The following CATSPERE variants were observed in gnomAD, a reference collection of about 807,000 sequenced individuals.
CATSPERE encodes cation channel sperm-associated auxiliary subunit epsilon.
In CATSPERE, 93 loss-of-function variants were observed where a neutral mutation model predicts 114.1. That is an observed-to-expected ratio of 0.81 (90% CI 0.69 to 0.97). CATSPERE has a LOEUF of 0.97. Among genes scored for constraint, CATSPERE ranks in the 50% least tolerant of loss-of-function variants. The pLI is 0.00. For synonymous variants in CATSPERE, 341 were observed against 384.1 expected, an observed-to-expected ratio of 0.89 and a Z score of 1.31; for missense variants, 1,058 against 1,131.6, an observed-to-expected ratio of 0.93 and a Z score of 0.93.
intron 8 of CATSPERE, among the ~76,000 whole-genome samples, chr1:244,536,507 C>T (rs1291852482): frequency 2.6e-5 from 4 of 152,224 alleles, no homozygotes; most frequent in Admixed American, 2.6e-4. Context: ...CATCTGAGTT[C>T]TGCCTGGTGT....
chr1:244,640,162 T>G lies in CATSPERE; in HGVS notation c.*81T>G. On this transcript the variant is annotated 3_prime_UTR_variant, in exon 22 of 22. Transcript: ENST00000366534. ...CATAGTGATATTGAGAGTGTGTGTT[T>G]GACCAAGAAATACTAAATATAAGCT... 8.7e-7 allele frequency: 1 copy of G among 1,153,350 alleles called. No homozygotes were observed. Among genetic ancestry groups the G allele is most frequent in the South Asian group, 1.6e-5 (1 of 62,576 alleles). The allele number at this position is 1,153,350 out of a possible 1,614,324, so 71.4% of individuals were successfully genotyped here.
At chr1:244,494,459 G>T (rs1221935837) in intron 6 of CATSPERE, among the ~76,000 whole-genome samples, 64 of 111,424 alleles carry the variant, frequency 5.7e-4, no homozygotes, top group African/African-American at 2.2e-3. Context: ...TTGTGGGGTG[G>T]GGGGAGGGGG....
rs1392440898 is a variant in CATSPERE at position 244,588,526 on chromosome 1, A to G, written c.2130A>G (p.Ala710=). The G allele has an allele frequency of 1.2e-6, 2 of 1,608,180 alleles. No homozygotes were observed. The highest frequency in any genetic ancestry group is 1.3e-5 in the African/African-American group (1 of 74,796). The change falls in exon 14 of 22, where the codon GCA becomes GCG. Residue 710 remains alanine (A), a synonymous_variant. Coordinates refer to ENST00000366534, the MANE Select transcript of CATSPERE (RefSeq NM_001130957.2). ...AVGCDDKKFI[A]IKGFSKKGCH... is the part of the protein sequence containing the mutation. ...GCTGTGATGATAAAAAATTCATTGC[A>G]ATTAAAGGGTAAGTATATTTCCATT...
In CATSPERE at chr1:244,504,750, G is replaced by T. The variant is rs543242933; in HGVS notation, c.429+5671G>T. Among the ~76,000 whole-genome samples the T allele has an allele frequency of 2.6e-5, 4 of 152,310 alleles. No individual in the cohort carries two copies. In the South Asian group the frequency reaches 8.3e-4, roughly 32 times the overall value. On this transcript the variant is annotated intron_variant, in intron 7 of 21. Transcript: ENST00000366534. This position sits in a 1 kb window ranked among gnomAD's most constrained non-coding sequence, Gnocchi z 4.1. Reference sequence around the variant, plus strand: ...AAGTAAAGTGGCATTCCCATTACGCGCAATCAAGGGCGCATACAATCATAT... The same window carrying T: ...AAGTAAAGTGGCATTCCCATTACGCTCAATCAAGGGCGCATACAATCATAT...
At chr1:244,562,645 T>C (rs1454715229) in intron 10 of CATSPERE, among the ~76,000 whole-genome samples, 1 of 152,222 alleles carries the variant, frequency 6.6e-6, no homozygotes, top group African/African-American at 2.4e-5. Flanking sequence ...TCTTTTATAA[T>C]TAGATGTTTT....
rs1191955367 is a variant in CATSPERE, at chr1:244,560,683, A to C, written c.1045A>C (p.Ser349Arg). Residue 349 changes from serine to arginine, a missense_variant, in exon 10 of 22, where the codon AGC (serine) becomes CGC (arginine). Physicochemically the swap from Ser to Arg is moderately radical, Grantham distance 110. Around this residue, in one of 2 missense-constraint regions of CATSPERE, gnomAD observed 787 missense variants for 905.6 expected, o/e 0.87. Transcript: ENST00000366534. ...TTTGTCACAGGCTAAAGGAAGAAGAAGCACCTTTGCAGTCTGGACAGAAAA... is the reference window on the plus strand; with the variant it reads ...TTTGTCACAGGCTAAAGGAAGAAGACGCACCTTTGCAGTCTGGACAGAAAA... ...NYLLKAKGRR[S>R]TFAVWTENEI... 1.3e-6 allele frequency: 2 copies of C among 1,592,742 alleles called. No homozygotes were observed. Among genetic ancestry groups the C allele is most frequent in the African/African-American group, 2.7e-5 (2 of 74,020 alleles).
At position 244,540,666 on chromosome 1, in the gene CATSPERE, A is replaced by G. The variant is rs954135353; in HGVS notation, c.537-11656A>G. Reference sequence around the variant, plus strand: ...ATTGGAAAAAACTACTTTAAAGTTCATATGGAACCAAAAAAGAGCCTGCAT... The same window carrying G: ...ATTGGAAAAAACTACTTTAAAGTTCGTATGGAACCAAAAAAGAGCCTGCAT... On this transcript the variant is annotated intron_variant, in intron 8 of 21. Coordinates refer to ENST00000366534, the MANE Select transcript of CATSPERE (RefSeq NM_001130957.2). 7.8e-4 allele frequency among the ~76,000 whole-genome samples: 116 copies of G among 148,644 alleles called. 1 individual carries two copies. The highest frequency in any genetic ancestry group is 2.7e-3 in the African/African-American group (109 of 40,578).
At chr1:244,501,257 TAAAAATCTGTCTAATC>T (rs1314396807) in intron 7 of CATSPERE, among the ~76,000 whole-genome samples, 4 of 152,196 alleles carry the variant, frequency 2.6e-5, no homozygotes. Context: ...AAACCTTCTT[TAAAAATCTGTCTAATC>T]ACTTATTGAA....
intron 8 of CATSPERE, among the ~76,000 whole-genome samples, chr1:244,522,473 AT>A (rs1558422064): frequency 6.6e-6 from 1 of 152,234 alleles, no homozygotes; most frequent in Non-Finnish European, 1.5e-5. Context: ...ACGGCGAGAA[AT>A]AACTAAAATC....
At chr1:244,476,999 C>A (rs1669462167) in intron 2 of CATSPERE, among the ~76,000 whole-genome samples, 1 of 151,958 alleles carries the variant, frequency 6.6e-6, no homozygotes, top group South Asian at 2.1e-4. Context: ...TATTTCTTTT[C>A]TTTTCTTTTT....
chr1:244,593,651 T>C (rs1256298659), intron 17 of CATSPERE, 73 bp downstream of exon 17: 1 of 1,199,536 alleles, frequency 8.3e-7, no homozygotes, highest in Admixed American at 1.8e-5. Context: ...CAAGACTAAT[T>C]GATCATGCAT....
intron 2 of CATSPERE, among the ~76,000 whole-genome samples, chr1:244,473,312 G>A (rs1668773913): frequency 6.6e-6 from 1 of 152,088 alleles, no homozygotes; most frequent in Admixed American, 6.6e-5. Context: ...CAATAGGTGT[G>A]TTGTGGTATC....
intron 1 of CATSPERE, chr1:244,454,629 C>T (rs905639928): frequency 4.6e-5 from 7 of 151,268 alleles, no homozygotes; most frequent in African/African-American, 1.5e-4. Flanking sequence ...AAATTCTTAC[C>T]GGACCGGTTT....
chr1:244,617,820 A>G, intron 20 of CATSPERE, 134 bp downstream of exon 20: 1 of 738,226 alleles, frequency 1.4e-6, no homozygotes, highest in East Asian at 3.3e-5. Context: ...TTTTGTAGCA[A>G]TCACATGAAA....
At chr1:244,621,240 T>C (rs1362069196) in intron 20 of CATSPERE, among the ~76,000 whole-genome samples, 19,815 of 28,000 alleles carry the variant, frequency 0.71, 8,900 homozygotes, top group East Asian at 0.93. Context: ...TATATTTATA[T>C]AGATATATTT....
At chr1:244,514,222 T>A (rs1018079781) in intron 7 of CATSPERE, among the ~76,000 whole-genome samples, 1 of 152,242 alleles carries the variant, frequency 6.6e-6, no homozygotes, top group Non-Finnish European at 1.5e-5. Context: ...CGTTTAGCTC[T>A]TAACATTTCA....
chr1:244,536,132 T>C (rs1199527548), intron 8 of CATSPERE, among the ~76,000 whole-genome samples: 1 of 151,828 alleles, frequency 6.6e-6, no homozygotes, highest in African/African-American at 2.4e-5. Flanking sequence ...ATATCCAAGT[T>C]GCAAGACAAA....
Position 244,625,263 on chromosome 1 carries a change from G to A in CATSPERE, c.2648+7577G>A, listed in dbSNP as rs559762748. On this transcript the variant is annotated intron_variant, in intron 20 of 21. Transcript: ENST00000366534. ...GAATATTGTGTTAGTAGGCATGATA[G>A]GCATGAAAACAACATTGATCTTGAA... Among the ~76,000 whole-genome samples, 15 of 150,824 alleles carry A rather than the reference G, an allele frequency of 9.9e-5. No individual in the cohort carries two copies. The East Asian group carries it at 1.6e-3, about 16-fold the overall frequency.
intron 7 of CATSPERE, among the ~76,000 whole-genome samples, chr1:244,507,216 T>G (rs1456375364): frequency 1.3e-5 from 2 of 152,218 alleles, no homozygotes; most frequent in Non-Finnish European, 2.9e-5. Context: ...ACAATAAACA[T>G]GGGGGTTCAG....
Sources: allele counts gnomAD v4.1 joint callset (sites outside exome capture counted in the v4.1 genomes callset), GRCh38; gene constraint gnomAD v4.1.1; regional missense constraint gnomAD v4.1.1; non-coding constraint Gnocchi (gnomAD v3.1); transcripts MANE v1.5; gene names NCBI Gene and HGNC (gene_info 2026-07-23, HGNC 2026-07-21).